MICU1: variants seen among roughly 807,000 people sequenced by gnomAD.
MICU1 encodes the protein mitochondrial calcium uptake 1.
MICU1 carries 45 observed loss-of-function variants against 56.8 expected under a neutral mutation model. The observed-to-expected ratio is 0.79, with a 90% CI of 0.62 to 1.02. MICU1 has a LOEUF of 1.02. MICU1 is among the 50% of genes least tolerant of loss of function. The pLI is 0.00. For missense variants in MICU1, 504 were observed against 587.1 expected, an observed-to-expected ratio of 0.86 and a Z score of 1.46; for synonymous variants, 186 against 195.1, an observed-to-expected ratio of 0.95 and a Z score of 0.39.
chr10:72,368,564 G>A (rs1203404606), intron 11 of MICU1, among the ~76,000 whole-genome samples: 2 of 152,178 alleles, frequency 1.3e-5, no homozygotes. Context: ...TGTGACAAAA[G>A]TTGAATGAAA....
At chr10:72,595,193 G>A (rs1168688475) in intron 1 of MICU1, among the ~76,000 whole-genome samples, 1 of 151,408 alleles carries the variant, frequency 6.6e-6, no homozygotes, top group Non-Finnish European at 1.5e-5. Flanking sequence ...GCTCACATCT[G>A]TAATCTTAGC....
intron 8 of MICU1, among the ~76,000 whole-genome samples, chr10:72,445,606 G>C (rs561312796): frequency 2.6e-5 from 4 of 152,302 alleles, no homozygotes; most frequent in African/African-American, 9.6e-5. Flanking sequence ...TCTCTGGAAA[G>C]ATTGGGGGAT....
At chr10:72,501,636 C>G (rs1211980233) in intron 6 of MICU1, 1 of 150,900 alleles carries the variant, frequency 6.6e-6, no homozygotes, top group Non-Finnish European at 1.5e-5. Flanking sequence ...TGATATGTGC[C>G]AAGGAGAAAA....
At chr10:72,576,541 G>A (rs570575747) in intron 1 of MICU1, among the ~76,000 whole-genome samples, 60 of 152,204 alleles carry the variant, frequency 3.9e-4, no homozygotes, top group Non-Finnish European at 7.2e-4. Context: ...TGAGGAAGCT[G>A]CAGAAGAAAA....
chr10:72,625,359 GT>G (rs1842201677), intron 1 of MICU1, among the ~76,000 whole-genome samples: 1 of 152,166 alleles, frequency 6.6e-6, no homozygotes, highest in Non-Finnish European at 1.5e-5. Flanking sequence ...TTGAAGAACA[GT>G]TTGTTTTAAA....
chr10:72,506,151 TA>T (rs1867244392), intron 6 of MICU1, among the ~76,000 whole-genome samples: 1 of 152,170 alleles, frequency 6.6e-6, no homozygotes, highest in South Asian at 2.1e-4. Context: ...CACCATAAAG[TA>T]AATGTGCTGG....
chr10:72,406,878 C>T (rs918391460), intron 10 of MICU1, among the ~76,000 whole-genome samples: 1 of 152,154 alleles, frequency 6.6e-6, no homozygotes, highest in African/African-American at 2.4e-5. Flanking sequence ...CTACCTGCCT[C>T]AGCCTCCCAA....
chr10:72,554,308 T>C (rs369047211), intron 3 of MICU1, among the ~76,000 whole-genome samples: 6 of 152,354 alleles, frequency 3.9e-5, no homozygotes, highest in Admixed American at 1.3e-4. Context: ...TAGCTGTTAA[T>C]ACTGCAAAAG....
intron 8 of MICU1, among the ~76,000 whole-genome samples, chr10:72,425,102 G>A (rs1009431515): frequency 6.6e-6 from 1 of 152,180 alleles, no homozygotes; most frequent in African/African-American, 2.4e-5. Context: ...CATACTTTTT[G>A]CAATGTTTAA....
chr10:72,474,258 C>CAAA (rs55978543), intron 8 of MICU1, among the ~76,000 whole-genome samples: 226 of 60,614 alleles, frequency 3.7e-3, no homozygotes, highest in Admixed American at 5.3e-3. Context: ...AGGACTGTCT[C>CAAA]AAAAAAAAAA....
intron 6 of MICU1, among the ~76,000 whole-genome samples, chr10:72,487,606 G>A (rs1866515860): frequency 6.6e-6 from 1 of 152,152 alleles, no homozygotes. Flanking sequence ...CTGACTTTCT[G>A]AAGGGCCAAA....
At chr10:72,623,588 C>G (rs918955979) in intron 1 of MICU1, among the ~76,000 whole-genome samples, 5 of 152,042 alleles carry the variant, frequency 3.3e-5, no homozygotes, top group African/African-American at 1.2e-4. Flanking sequence ...CCTGTAATCC[C>G]AGCATTTTGG....
At chr10:72,499,534 C>T (rs902636194) in intron 6 of MICU1, among the ~76,000 whole-genome samples, 1 of 152,150 alleles carries the variant, frequency 6.6e-6, no homozygotes, top group Non-Finnish European at 1.5e-5. Flanking sequence ...TTCTAAGCAC[C>T]TCTCATAGGC....
chr10:72,603,104 C>T (rs1223993520), intron 1 of MICU1, among the ~76,000 whole-genome samples: 3 of 151,882 alleles, frequency 2.0e-5, no homozygotes, highest in South Asian at 2.1e-4. Context: ...ACTCTGTTCC[C>T]GGCTGGGAAC....
chr10:72,518,932 C>T (rs1004440966), intron 5 of MICU1, among the ~76,000 whole-genome samples: 1 of 152,112 alleles, frequency 6.6e-6, no homozygotes, highest in African/African-American at 2.4e-5. Context: ...CTGCCCGTCT[C>T]GTCCTCCCAA....
intron 5 of MICU1, among the ~76,000 whole-genome samples, chr10:72,516,400 T>C (rs1361859093): frequency 2.0e-5 from 3 of 152,214 alleles, no homozygotes; most frequent in Admixed American, 6.5e-5. Context: ...TTCACTCTGA[T>C]GATAGTTTCT....
intron 5 of MICU1, among the ~76,000 whole-genome samples, chr10:72,532,502 A>G (rs1257885246): frequency 6.6e-6 from 1 of 152,094 alleles, no homozygotes; most frequent in Admixed American, 6.6e-5. Flanking sequence ...AAAAACAGGT[A>G]AGATAGGGAC....
chr10:72,478,184 G>A (rs1866183317), intron 6 of MICU1, among the ~76,000 whole-genome samples: 1 of 152,026 alleles, frequency 6.6e-6, no homozygotes, highest in African/African-American at 2.4e-5. Flanking sequence ...CCCCTATTTC[G>A]ATCATGTCAG....
At chr10:72,550,955 G>A (rs1840020472) in intron 4 of MICU1, among the ~76,000 whole-genome samples, 1 of 152,112 alleles carries the variant, frequency 6.6e-6, no homozygotes, top group South Asian at 2.1e-4. Flanking sequence ...CAACCAGAGG[G>A]GGACAATCTC....
Sources: allele counts gnomAD v4.1 joint callset (sites outside exome capture counted in the v4.1 genomes callset), GRCh38; gene constraint gnomAD v4.1.1; transcripts MANE v1.5; gene names NCBI Gene and HGNC (gene_info 2026-07-23, HGNC 2026-07-21).